CD226: variants seen among roughly 807,000 people sequenced by gnomAD.
CD226 encodes CD226 molecule.
Under a neutral mutation model 34.9 loss-of-function variants are expected in CD226, and 24 were observed. That is an observed-to-expected ratio of 0.69 (90% CI 0.50 to 0.97). The LOEUF is 0.97. Among genes scored for constraint, CD226 ranks in the 50% least tolerant of loss-of-function variants. CD226 has a pLI of 0.00. For synonymous variants in CD226, 148 were observed against 147.4 expected (o/e 1.00, Z -0.03); for missense variants, 397 against 412.7 (o/e 0.96, Z 0.33).
intron 2 of CD226, among the ~76,000 whole-genome samples, chr18:69,901,632 C>A (rs1191482184): frequency 6.6e-6 from 1 of 151,722 alleles, no homozygotes; most frequent in African/African-American, 2.4e-5. Flanking sequence ...TGTAATCCAG[C>A]ACTTTGGGAG....
intron 1 of CD226, among the ~76,000 whole-genome samples, chr18:69,953,857 G>A (rs751141276): frequency 3.3e-5 from 5 of 152,022 alleles, no homozygotes; most frequent in Non-Finnish European, 5.9e-5. Context: ...AAAATTAGCT[G>A]TGCGTGGTGG....
In CD226 at chr18:69,886,749, A is replaced by T. The variant is rs181128986; in HGVS notation, c.727+8952T>A. On this transcript the variant is annotated intron_variant, in intron 3 of 5. Coordinates refer to ENST00000582621, the MANE Select transcript of CD226 (RefSeq NM_001303618.2). ...AAAATAAAAGTAAAAATAATTTTTT[A>T]AAAAAAGGAAACTTGAAAATGCAAA... Among the ~76,000 whole-genome samples the T allele has an allele frequency of 1.6e-3, 241 of 151,982 alleles. 1 individual carries two copies. The highest frequency in any genetic ancestry group is 5.3e-3 in the African/African-American group (221 of 41,558).
chr18:69,947,401 A>G lies in CD226; in HGVS notation c.6T>C (p.Asp2=). 1.3e-6 allele frequency: 2 copies of G among 1,588,308 alleles called. No homozygotes were observed. Among genetic ancestry groups the G allele is most frequent in the Non-Finnish European group, 1.7e-6 (2 of 1,169,332 alleles). Residue 2 remains aspartate, a synonymous_variant, in exon 1 of 6, where the codon GAT becomes GAC. Coordinates refer to ENST00000582621, the MANE Select transcript of CD226 (RefSeq NM_001303618.2). M[D]YPTLLLALLH... Reference sequence around the variant, plus strand: ...GAAGAGCCAAAAGTAAAGTAGGATAATCCATCTCTGGAAACTGTTTGAAAG... The same window carrying G: ...GAAGAGCCAAAAGTAAAGTAGGATAGTCCATCTCTGGAAACTGTTTGAAAG...
chr18:69,897,862 G>A (rs777901505), intron 2 of CD226, among the ~76,000 whole-genome samples: 6 of 151,798 alleles, frequency 4.0e-5, no homozygotes, highest in Non-Finnish European at 7.4e-5. Context: ...TTCAGCATGC[G>A]GTTCCATGTG....
chr18:69,886,682 G>A (rs575975870), intron 3 of CD226, among the ~76,000 whole-genome samples: 1 of 151,568 alleles, frequency 6.6e-6, no homozygotes, highest in South Asian at 2.1e-4. Flanking sequence ...CTCCAGCCTG[G>A]GCAACAGAGT....
upstream of CD226, among the ~76,000 whole-genome samples, chr18:69,959,798 G>A (rs372130729): frequency 3.9e-5 from 6 of 152,250 alleles, no homozygotes; most frequent in South Asian, 6.2e-4. Context: ...CCTCAGATCA[G>A]CCGTAATCTT....
chr18:69,907,658 A>G (rs947527942), intron 2 of CD226, among the ~76,000 whole-genome samples: 2 of 152,146 alleles, frequency 1.3e-5, no homozygotes, highest in African/African-American at 2.4e-5. Context: ...AATCTCTCTC[A>G]TAGAAGCAGA....
At chr18:69,910,896 G>C (rs1025569230) in intron 2 of CD226, among the ~76,000 whole-genome samples, 1 of 152,162 alleles carries the variant, frequency 6.6e-6, no homozygotes, top group African/African-American at 2.4e-5. Flanking sequence ...TGGTAGAGCA[G>C]AAGGAATGTT....
At chr18:69,903,803 T>G (rs1480917340) in intron 2 of CD226, among the ~76,000 whole-genome samples, 1 of 152,190 alleles carries the variant, frequency 6.6e-6, no homozygotes, top group Non-Finnish European at 1.5e-5. Context: ...CCAACCCTGC[T>G]GATACCTTCA....
At chr18:69,929,191 A>C (rs2055559650) in intron 2 of CD226, among the ~76,000 whole-genome samples, 1 of 152,272 alleles carries the variant, frequency 6.6e-6, no homozygotes, top group Non-Finnish European at 1.5e-5. Context: ...CAGTATTAAT[A>C]GTCCATCCAG....
At chr18:69,901,488 G>A (rs1457286179) in intron 2 of CD226, among the ~76,000 whole-genome samples, 1 of 152,132 alleles carries the variant, frequency 6.6e-6, no homozygotes, top group Admixed American at 6.5e-5. Flanking sequence ...ACCCAAACTT[G>A]ATAGTCGGCG....
chr18:69,960,957 G>T (rs1014898092), upstream of CD226, among the ~76,000 whole-genome samples: 3 of 152,170 alleles, frequency 2.0e-5, no homozygotes, highest in African/African-American at 7.2e-5. Context: ...TTAACTAAAT[G>T]TAATGGATTT....
At chr18:69,902,633 G>A (rs184258362) in intron 2 of CD226, among the ~76,000 whole-genome samples, 4 of 151,606 alleles carry the variant, frequency 2.6e-5, no homozygotes, top group Admixed American at 1.3e-4. Context: ...ATCGCTGAGT[G>A]AGCCTATCTA....
At chr18:69,960,046 C>T (rs1160805762), upstream of CD226, among the ~76,000 whole-genome samples, 1 of 151,994 alleles carries the variant, frequency 6.6e-6, no homozygotes, top group Non-Finnish European at 1.5e-5. Flanking sequence ...TCGAGACCAG[C>T]CTAGCCAATA....
At chr18:69,896,375 C>A (rs377657859) in intron 2 of CD226, among the ~76,000 whole-genome samples, 5 of 152,036 alleles carry the variant, frequency 3.3e-5, no homozygotes, top group African/African-American at 1.2e-4. Flanking sequence ...TAGAGACGGG[C>A]TTTCACCGTG....
intron 2 of CD226, among the ~76,000 whole-genome samples, chr18:69,906,531 G>A (rs2055255518): frequency 6.6e-6 from 1 of 152,198 alleles, no homozygotes; most frequent in Non-Finnish European, 1.5e-5. Context: ...GTCAGGAATA[G>A]CAACAGGACT....
chr18:69,874,479 T>G (rs1983743468), intron 3 of CD226, among the ~76,000 whole-genome samples: 1 of 152,172 alleles, frequency 6.6e-6, no homozygotes, highest in African/African-American at 2.4e-5. Flanking sequence ...AAAGCGAACC[T>G]GTCAATCACC....
At position 69,946,735 on chromosome 18, in the gene CD226, T is replaced by G; in HGVS notation, c.381A>C (p.Ser127=). The G allele has an allele frequency of 6.3e-7, 1 of 1,599,182 alleles. No individual in the cohort carries two copies. The highest frequency in any genetic ancestry group is 8.5e-7 in the Non-Finnish European group (1 of 1,172,638). ...AAAAAAAAAAAAACTTGCCCTTACCTGACTGAACCACCTGTATCACCTTCT... is the reference window on the plus strand; with the variant it reads ...AAAAAAAAAAAAACTTGCCCTTACCGGACTGAACCACCTGTATCACCTTCT... ...TWQKVIQVVQ[S]DSFEAAVPSN... is the part of the protein sequence containing the mutation. Residue 127 remains serine (S), a splice_region_variant and synonymous_variant, in exon 2 of 6, where the codon TCA becomes TCC. Coordinates refer to ENST00000582621, the MANE Select transcript of CD226 (RefSeq NM_001303618.2).
chr18:69,909,697 T>C (rs948442475), intron 2 of CD226, among the ~76,000 whole-genome samples: 1 of 152,228 alleles, frequency 6.6e-6, no homozygotes, highest in African/African-American at 2.4e-5. Context: ...GTATTTATTT[T>C]GGATTTGCAA....
Sources: gnomAD v4.1 joint callset for allele counts (sites outside exome capture counted in the v4.1 genomes callset) on GRCh38, gnomAD v4.1.1 for gene constraint, MANE v1.5 for transcripts, NCBI Gene and HGNC (gene_info 2026-07-23, HGNC 2026-07-21) for gene names.